Variants in SH3GL2 observed in about 807,000 individuals in gnomAD.
The protein encoded by SH3GL2 is endophilin-A1.
A neutral mutation model predicts 46.0 loss-of-function variants in SH3GL2; 24 were observed. The ratio of observed to expected loss-of-function variants is 0.52; its 90% CI spans 0.38 to 0.73. The LOEUF (loss-of-function observed/expected upper bound fraction) is 0.73. SH3GL2 is among the 30% of genes least tolerant of loss of function. The pLI is 0.00. For missense variants in SH3GL2, 413 were observed against 424.2 expected, an observed-to-expected ratio of 0.97 and a Z score of 0.23; for synonymous variants, 196 against 147.1, an observed-to-expected ratio of 1.33 and a Z score of -2.40.
intron 1 of SH3GL2, among the ~76,000 whole-genome samples, chr9:17,622,472 G>T (rs1188199463): frequency 2.0e-5 from 3 of 152,134 alleles, no homozygotes; most frequent in African/African-American, 7.2e-5. Context: ...CTAGAATTGG[G>T]TGTCCAGGCC....
chr9:17,597,151 A>G (rs537861015), intron 1 of SH3GL2, among the ~76,000 whole-genome samples: 2 of 152,358 alleles, frequency 1.3e-5, no homozygotes, highest in Admixed American at 1.3e-4. Context: ...CTGCTGAAGC[A>G]TATACCAAAT....
chr9:17,622,986 G>GTTCC (rs1554631076), intron 1 of SH3GL2, among the ~76,000 whole-genome samples: 6,813 of 98,476 alleles, frequency 0.069, 780 homozygotes, highest in Admixed American at 0.1. Flanking sequence ...GTTTCCTTTC[G>GTTCC]TTTCCTTTCC....
intron 2 of SH3GL2, among the ~76,000 whole-genome samples, chr9:17,760,713 G>A (rs182179328): frequency 2.8e-4 from 42 of 152,240 alleles, no homozygotes; most frequent in African/African-American, 9.6e-4. Flanking sequence ...CATTTACCAT[G>A]TAGGGCGAAT....
rs145310167 is a variant in SH3GL2, at chr9:17,586,252, G to C, written c.45+6965G>C. Among the ~76,000 whole-genome samples the C allele has an allele frequency of 2.6e-5, 4 of 152,262 alleles. No individual in the cohort carries two copies. In the East Asian group the frequency reaches 7.7e-4, roughly 29 times the overall value. ...CATCCCCTGGGTCAAATTGTATATA[G>C]TAGTAATGAATATGGAGAAGCTGTC... On this transcript the variant is annotated intron_variant, in intron 1 of 8. Transcript: ENST00000380607.
intron 1 of SH3GL2, among the ~76,000 whole-genome samples, chr9:17,587,643 C>G (rs554603086): frequency 6.6e-6 from 1 of 152,212 alleles, no homozygotes; most frequent in East Asian, 1.9e-4. Flanking sequence ...TTTGGGAGGC[C>G]GAGGTGGGCG....
chr9:17,745,918 G>C (rs1030132746), intron 1 of SH3GL2, among the ~76,000 whole-genome samples: 1 of 152,098 alleles, frequency 6.6e-6, no homozygotes, highest in Admixed American at 6.6e-5. Context: ...TTAGGGAAAA[G>C]CATCTATCTT....
At chr9:17,638,810 C>T (rs939262409) in intron 1 of SH3GL2, among the ~76,000 whole-genome samples, 2 of 152,176 alleles carry the variant, frequency 1.3e-5, no homozygotes, top group South Asian at 4.1e-4. Flanking sequence ...TCCTTGATGT[C>T]TTATAAGCTG....
chr9:17,732,110 C>G (rs911750139), intron 1 of SH3GL2, among the ~76,000 whole-genome samples: 2 of 152,100 alleles, frequency 1.3e-5, no homozygotes, highest in Non-Finnish European at 2.9e-5. Context: ...CTCACTTTCA[C>G]TCTTTTTTTG....
chr9:17,668,547 G>C (rs1327113499), intron 1 of SH3GL2, among the ~76,000 whole-genome samples: 1 of 152,164 alleles, frequency 6.6e-6, no homozygotes, highest in African/African-American at 2.4e-5. Context: ...TTAATTTTGA[G>C]CTAAAGAAAG....
chr9:17,745,423 C>T (rs2209441), intron 1 of SH3GL2, among the ~76,000 whole-genome samples: 142,053 of 152,246 alleles, frequency 0.93, 66,454 homozygotes, highest in East Asian at 0.99. Flanking sequence ...TATGCTCTTA[C>T]AATTCTTATG....
intron 1 of SH3GL2, among the ~76,000 whole-genome samples, chr9:17,616,457 C>T (rs1015828800): frequency 6.6e-6 from 1 of 152,068 alleles, no homozygotes. Flanking sequence ...CCAATATACA[C>T]TGAGCTAATG....
intron 1 of SH3GL2, among the ~76,000 whole-genome samples, chr9:17,580,356 C>T (rs1818254902): frequency 6.6e-6 from 1 of 152,188 alleles, no homozygotes; most frequent in Admixed American, 6.5e-5. Context: ...TAGGCTACCA[C>T]AGTGGCAGCC....
chr9:17,709,078 A>G (rs913875065), intron 1 of SH3GL2, among the ~76,000 whole-genome samples: 7 of 152,022 alleles, frequency 4.6e-5, no homozygotes, highest in African/African-American at 1.7e-4. Context: ...CTATCAAGAC[A>G]TTAGTTTTTG....
intron 1 of SH3GL2, among the ~76,000 whole-genome samples, chr9:17,671,499 T>G (rs886078704): frequency 6.6e-6 from 1 of 152,210 alleles, no homozygotes; most frequent in African/African-American, 2.4e-5. Context: ...TTAGATTGAT[T>G]GTATCACAGA....
At chr9:17,763,818 AG>A (rs1375283042) in intron 3 of SH3GL2, among the ~76,000 whole-genome samples, 7 of 152,168 alleles carry the variant, frequency 4.6e-5, no homozygotes, top group Non-Finnish European at 8.8e-5. Flanking sequence ...ATTGGAACTC[AG>A]GTCTGACTAC....
At chr9:17,676,656 C>T (rs946259710) in intron 1 of SH3GL2, among the ~76,000 whole-genome samples, 5 of 152,138 alleles carry the variant, frequency 3.3e-5, no homozygotes, top group African/African-American at 1.2e-4. Context: ...ACATATTCTT[C>T]TTTAATACAT....
intron 1 of SH3GL2, among the ~76,000 whole-genome samples, chr9:17,645,033 AT>A (rs1563795473): frequency 6.6e-6 from 1 of 151,570 alleles, no homozygotes; most frequent in Non-Finnish European, 1.5e-5. Flanking sequence ...TATATTTAGG[AT>A]AGTTAGCTCT....
chr9:17,787,535 G>A, intron 5 of SH3GL2, 22 bp downstream of exon 5: 1 of 1,604,590 alleles, frequency 6.2e-7, no homozygotes. Context: ...GAGTCTTCTG[G>A]AAAGTGGGCA....
intron 1 of SH3GL2, among the ~76,000 whole-genome samples, chr9:17,638,166 A>AAAG (rs1435117043): frequency 2.0e-5 from 3 of 151,112 alleles, no homozygotes; most frequent in Non-Finnish European, 4.4e-5. Context: ...CAAAAAAAAA[A>AAAG]CAAAAAAACA....
Sources: gnomAD v4.1 joint callset for allele counts (sites outside exome capture counted in the v4.1 genomes callset) on GRCh38, gnomAD v4.1.1 for gene constraint, MANE v1.5 for transcripts, NCBI Gene and HGNC (gene_info 2026-07-23, HGNC 2026-07-21) for gene names.